Variants in EPHA5 observed in about 807,000 individuals in gnomAD.
EPHA5 encodes ephrin type-A receptor 5.
EPHA5 carries 60 observed loss-of-function variants against 105.0 expected under a neutral mutation model. That is an observed-to-expected ratio of 0.57 (90% confidence interval 0.46 to 0.71). The LOEUF is 0.71. EPHA5 is among the 30% of genes least tolerant of loss of function. The pLI is 0.00. For synonymous variants in EPHA5, 513 were observed against 449.1 expected, an observed-to-expected ratio of 1.14 and a Z score of -1.80; for missense variants, 1,218 against 1,274.7, an observed-to-expected ratio of 0.96 and a Z score of 0.68.
intron 2 of EPHA5, among the ~76,000 whole-genome samples, chr4:65,617,242 C>G (rs1745321209): frequency 6.6e-6 from 1 of 151,986 alleles, no homozygotes; most frequent in Non-Finnish European, 1.5e-5. Context: ...TTTCATTGCA[C>G]CTGATTTATG....
chr4:65,418,531 T>C (rs1422667481), intron 6 of EPHA5, among the ~76,000 whole-genome samples: 1 of 152,218 alleles, frequency 6.6e-6, no homozygotes, highest in Non-Finnish European at 1.5e-5. Flanking sequence ...GAATAATGTA[T>C]TTAATAACCT....
At chr4:65,648,199 T>C (rs1242891181) in intron 1 of EPHA5, among the ~76,000 whole-genome samples, 3 of 152,232 alleles carry the variant, frequency 2.0e-5, no homozygotes, top group Non-Finnish European at 4.4e-5. Flanking sequence ...TCACACATTC[T>C]AATAATTAAA....
chr4:65,458,668 A>T (rs541171359), intron 5 of EPHA5, among the ~76,000 whole-genome samples: 2 of 152,234 alleles, frequency 1.3e-5, no homozygotes, highest in African/African-American at 4.8e-5. Flanking sequence ...CACTCATTGA[A>T]GACAGAAATT....
chr4:65,467,193 G>A (rs1440891670), intron 5 of EPHA5, among the ~76,000 whole-genome samples: 1 of 152,104 alleles, frequency 6.6e-6, no homozygotes, highest in Non-Finnish European at 1.5e-5. Context: ...AAGGAAAAAA[G>A]ATAGGGTGCC....
chr4:65,585,562 G>A (rs1008216488), intron 3 of EPHA5, among the ~76,000 whole-genome samples: 12 of 151,714 alleles, frequency 7.9e-5, no homozygotes, highest in Non-Finnish European at 1.8e-4. Flanking sequence ...AAGCTGAAAT[G>A]GCAGGATACA....
chr4:65,670,070 G>T lies in EPHA5; in HGVS notation c.-328C>A, dbSNP rs562481634. ...TTCAAAAAGACTTTTTACGGATTGA[G>T]AATTTTTAAATACCACTAGGGGAAA... On this transcript the variant is annotated 5_prime_UTR_variant, in exon 1 of 17. Transcript: ENST00000613740. 1 of 330,754 alleles carries T rather than the reference G, an allele frequency of 3.0e-6. No homozygotes were observed. Among genetic ancestry groups the T allele is most frequent in the Non-Finnish European group, 5.4e-6 (1 of 183,740 alleles). 20.5% of individuals were successfully genotyped at this position (330,754 alleles called of 1,614,324 possible). A position where few individuals can be genotyped will look rare whatever the true frequency, so the allele number is the denominator to read the frequency against.
At chr4:65,626,100 CAA>C (rs11304193) in intron 2 of EPHA5, among the ~76,000 whole-genome samples, 4,357 of 131,520 alleles carry the variant, frequency 0.033, 191 homozygotes, top group African/African-American at 0.11. Context: ...CACTCCGTCT[CAA>C]AAAAAAAAAA....
In EPHA5 at chr4:65,414,411, A is replaced by G. The variant is rs1191338856; in HGVS notation, c.1560T>C (p.Ser520=). 1.2e-6 allele frequency: 2 copies of G among 1,613,876 alleles called. No individual in the cohort carries two copies. Among genetic ancestry groups the G allele is most frequent in the African/African-American group, 2.7e-5 (2 of 74,928 alleles). Residue 520 remains serine (S), a synonymous_variant, in exon 7 of 17, where the codon TCT becomes TCC. Transcript: ENST00000613740. ...CCTCTGCAGTAATAGTTGTCTCTTT[A>G]GATTTGATAATCGTGTAGCTGGTCT... ...DQETSYTIIK[S]KETTITAEGL...
At chr4:65,515,911 C>T (rs1486118376) in intron 3 of EPHA5, among the ~76,000 whole-genome samples, 1 of 152,056 alleles carries the variant, frequency 6.6e-6, no homozygotes, top group Non-Finnish European at 1.5e-5. Flanking sequence ...AATTCAATAT[C>T]TCTTCTTGAA....
intron 8 of EPHA5, among the ~76,000 whole-genome samples, chr4:65,399,906 TC>T (rs1721645114): frequency 1.3e-5 from 2 of 152,314 alleles, no homozygotes; most frequent in African/African-American, 4.8e-5. Flanking sequence ...AAAGATGTTT[TC>T]CTTTGTATGT....
intron 3 of EPHA5, among the ~76,000 whole-genome samples, chr4:65,536,705 G>A (rs1158927301): frequency 6.7e-6 from 1 of 149,966 alleles, no homozygotes; most frequent in African/African-American, 2.4e-5. Flanking sequence ...CACAAAATGA[G>A]ACAATTGTAC....
chr4:65,417,620 T>C (rs1723514996), intron 6 of EPHA5, among the ~76,000 whole-genome samples: 1 of 152,098 alleles, frequency 6.6e-6, no homozygotes, highest in African/African-American at 2.4e-5. Context: ...TTTTCCCAAG[T>C]CATTTTTTCT....
intron 3 of EPHA5, among the ~76,000 whole-genome samples, chr4:65,565,888 G>A (rs566478280): frequency 2.0e-5 from 3 of 151,486 alleles, no homozygotes; most frequent in East Asian, 1.9e-4. Context: ...CTTTGAATAG[G>A]AAATAAACTT....
At chr4:65,331,273 A>G (rs957183739) in intron 16 of EPHA5, 2 of 1,029,774 alleles carry the variant, frequency 1.9e-6, no homozygotes, top group Non-Finnish European at 1.2e-6. Flanking sequence ...AAACAACCAC[A>G]TGTACAGAGT....
intron 2 of EPHA5, among the ~76,000 whole-genome samples, chr4:65,607,444 T>A (rs966531632): frequency 2.0e-5 from 3 of 150,616 alleles, no homozygotes; most frequent in Non-Finnish European, 4.4e-5. Flanking sequence ...AGGGCTAATA[T>A]CCAGAATCTA....
At chr4:65,493,852 G>A (rs1037780135) in intron 4 of EPHA5, among the ~76,000 whole-genome samples, 1 of 151,856 alleles carries the variant, frequency 6.6e-6, no homozygotes, top group African/African-American at 2.4e-5. Context: ...AAGATAATGG[G>A]TAGACCACTT....
At chr4:65,569,624 A>C (rs1320799203) in intron 3 of EPHA5, among the ~76,000 whole-genome samples, 2 of 151,736 alleles carry the variant, frequency 1.3e-5, no homozygotes, top group Non-Finnish European at 3.0e-5. Flanking sequence ...TTTACTTGAA[A>C]CATGCATGAA....
At chr4:65,355,380 T>C (rs562635185) in intron 11 of EPHA5, among the ~76,000 whole-genome samples, 1 of 151,826 alleles carries the variant, frequency 6.6e-6, no homozygotes, top group African/African-American at 2.4e-5. Flanking sequence ...TTATCATTAG[T>C]ATAATTTTAA....
chr4:65,540,217 G>C (rs564373122), intron 3 of EPHA5, among the ~76,000 whole-genome samples: 1 of 151,628 alleles, frequency 6.6e-6, no homozygotes, highest in Admixed American at 6.6e-5. Flanking sequence ...TATTCCTAAA[G>C]CCTGAATACT....
Sources: allele counts gnomAD v4.1 joint callset (sites outside exome capture counted in the v4.1 genomes callset), GRCh38; gene constraint gnomAD v4.1.1; transcripts MANE v1.5; gene names NCBI Gene and HGNC (gene_info 2026-07-23, HGNC 2026-07-21).